PTPRD: variants seen among roughly 807,000 people sequenced by gnomAD.
PTPRD encodes the protein protein tyrosine phosphatase receptor type D, also known as receptor-type tyrosine-protein phosphatase delta.
Under a neutral mutation model 214.5 loss-of-function variants are expected in PTPRD, and 34 were observed. The observed-to-expected ratio is 0.16, with a 90% CI of 0.12 to 0.21. The LOEUF is 0.21. Among genes scored for constraint, PTPRD ranks in the 10% least tolerant of loss-of-function variants. The probability of loss-of-function intolerance (pLI) is 1.00; values close to 1 mark genes in which losing one functional copy is unlikely to be tolerated. For synonymous variants in PTPRD, 1,128 were observed against 845.7 expected, an observed-to-expected ratio of 1.33 and a Z score of -5.79; for missense variants, 2,545 against 2,398.7, an observed-to-expected ratio of 1.06 and a Z score of -1.27.
chr9:9,010,613 G>T (rs1347495076), intron 11 of PTPRD, among the ~76,000 whole-genome samples: 2 of 152,288 alleles, frequency 1.3e-5, no homozygotes, highest in East Asian at 3.9e-4. Context: ...TTACTGAGTG[G>T]CCCTCTTCAA....
intron 8 of PTPRD, among the ~76,000 whole-genome samples, chr9:9,418,956 G>C (rs1444978418): frequency 6.6e-6 from 1 of 151,772 alleles, no homozygotes. Flanking sequence ...AAAGAGTGTA[G>C]TGGAGAAGGA....
intron 9 of PTPRD, among the ~76,000 whole-genome samples, chr9:9,360,810 T>C (rs1453555144): frequency 6.6e-6 from 1 of 151,036 alleles, no homozygotes; most frequent in Non-Finnish European, 1.5e-5. Context: ...GATTTCCAAG[T>C]GTATTATGTG....
chr9:8,456,284 T>C (rs1207851520), intron 33 of PTPRD, among the ~76,000 whole-genome samples: 1 of 152,094 alleles, frequency 6.6e-6, no homozygotes, highest in Non-Finnish European at 1.5e-5. Flanking sequence ...GAAAGTACTT[T>C]AAGAGCTCAG....
At chr9:9,113,853 G>T (rs888037220) in intron 10 of PTPRD, among the ~76,000 whole-genome samples, 2 of 152,090 alleles carry the variant, frequency 1.3e-5, no homozygotes, top group Non-Finnish European at 2.9e-5. Flanking sequence ...TAAAAACTCA[G>T]TTCTCTTTAT....
chr9:10,092,584 C>A (rs1313668794), intron 3 of PTPRD, among the ~76,000 whole-genome samples: 2 of 151,324 alleles, frequency 1.3e-5, no homozygotes, highest in East Asian at 3.9e-4. Context: ...TACAATGCCA[C>A]TTTCAACAGA....
At chr9:8,830,611 T>C (rs113965169) in intron 11 of PTPRD, among the ~76,000 whole-genome samples, 3 of 151,754 alleles carry the variant, frequency 2.0e-5, no homozygotes, top group Non-Finnish European at 2.9e-5. Flanking sequence ...CAGTGAGGAG[T>C]GTGCAGCGAC....
intron 5 of PTPRD, among the ~76,000 whole-genome samples, chr9:9,878,780 T>A (rs1020963570): frequency 7.2e-5 from 11 of 152,212 alleles, no homozygotes; most frequent in Non-Finnish European, 1.5e-5. Context: ...ACATTCTTCT[T>A]CTAATAATAC....
chr9:8,821,696 C>A (rs187511658), intron 11 of PTPRD, among the ~76,000 whole-genome samples: 22 of 152,294 alleles, frequency 1.4e-4, no homozygotes, highest in African/African-American at 4.3e-4. Flanking sequence ...AACAGAGTCT[C>A]GCTCTGTTGC....
intron 12 of PTPRD, among the ~76,000 whole-genome samples, chr9:8,654,663 T>C (rs533695328): frequency 6.6e-6 from 1 of 152,278 alleles, no homozygotes; most frequent in African/African-American, 2.4e-5. Flanking sequence ...CTTAAATGTA[T>C]TTTCAATTTT....
intron 14 of PTPRD, among the ~76,000 whole-genome samples, chr9:8,533,155 C>T (rs1385088027): frequency 6.6e-6 from 1 of 152,066 alleles, no homozygotes; most frequent in Non-Finnish European, 1.5e-5. Context: ...TTTCACTCCA[C>T]TTTCACAAAC....
At chr9:8,723,494 C>A (rs769281311) in intron 12 of PTPRD, among the ~76,000 whole-genome samples, 34 of 152,128 alleles carry the variant, frequency 2.2e-4, no homozygotes, top group Non-Finnish European at 4.0e-4. Flanking sequence ...CCACAACATC[C>A]CAACTAGAAT....
intron 12 of PTPRD, among the ~76,000 whole-genome samples, chr9:8,699,772 G>GAA (rs35735101): frequency 2.6e-4 from 35 of 133,546 alleles, no homozygotes; most frequent in African/African-American, 4.3e-4. Context: ...ACGCCCAAAA[G>GAA]AAAAAAAAAA....
At chr9:8,325,408 G>A (rs1441790679) in intron 44 of PTPRD, among the ~76,000 whole-genome samples, 2 of 149,120 alleles carry the variant, frequency 1.3e-5, no homozygotes, top group African/African-American at 2.5e-5. Flanking sequence ...TTGCAGATGT[G>A]TGGTGTTACT....
chr9:9,566,182 C>T (rs1398346540), intron 8 of PTPRD, among the ~76,000 whole-genome samples: 2 of 151,864 alleles, frequency 1.3e-5, no homozygotes, highest in Non-Finnish European at 2.9e-5. Flanking sequence ...TATACGTGGA[C>T]AACACAAATC....
At chr9:8,596,567 T>C (rs912086661) in intron 14 of PTPRD, among the ~76,000 whole-genome samples, 1 of 152,096 alleles carries the variant, frequency 6.6e-6, no homozygotes, top group African/African-American at 2.4e-5. Context: ...AAAGTCCAGT[T>C]ATTTTGAAAA....
At chr9:10,102,634 G>A (rs2098565296) in intron 3 of PTPRD, among the ~76,000 whole-genome samples, 2 of 151,346 alleles carry the variant, frequency 1.3e-5, no homozygotes, top group Admixed American at 1.3e-4. Context: ...TTTAGCCTCT[G>A]GATTTCAGAT....
chr9:10,300,264 G>A (rs998236770), intron 3 of PTPRD, among the ~76,000 whole-genome samples: 2 of 152,142 alleles, frequency 1.3e-5, no homozygotes, highest in African/African-American at 2.4e-5. Flanking sequence ...TTCACAACCC[G>A]CAGAACAGGA....
At chr9:9,946,057 G>C (rs4581109) in intron 4 of PTPRD, among the ~76,000 whole-genome samples, 89 of 151,222 alleles carry the variant, frequency 5.9e-4, no homozygotes, top group African/African-American at 2.0e-3. Flanking sequence ...TCCTTTCCCA[G>C]TTGGGAAAGT....
At chr9:10,339,716 T>C (rs2096905133) in intron 3 of PTPRD, among the ~76,000 whole-genome samples, 1 of 151,698 alleles carries the variant, frequency 6.6e-6, no homozygotes, top group Non-Finnish European at 1.5e-5. Context: ...GAAGTCCTGT[T>C]ATCTTTAAGA....
Sources: gnomAD v4.1 joint callset for allele counts (sites outside exome capture counted in the v4.1 genomes callset) on GRCh38, gnomAD v4.1.1 for gene constraint, MANE v1.5 for transcripts, NCBI Gene and HGNC (gene_info 2026-07-23, HGNC 2026-07-21) for gene names.